L3MBTL4: variants seen among roughly 807,000 people sequenced by gnomAD.
L3MBTL4 encodes lethal(3)malignant brain tumor-like protein 4.
In L3MBTL4, 70 loss-of-function variants were observed where a neutral mutation model predicts 84.5. The observed-to-expected ratio is 0.83, with a 90% CI of 0.68 to 1.01. L3MBTL4 has a LOEUF of 1.01. L3MBTL4 is among the 50% of genes least tolerant of loss of function. L3MBTL4 has a pLI of 0.00. For synonymous variants in L3MBTL4, 274 were observed against 259.8 expected (o/e 1.05, Z -0.52); for missense variants, 715 against 754.8 (o/e 0.95, Z 0.62).
In L3MBTL4 at chr18:6,241,366, T is replaced by G; in HGVS notation, c.544A>C (p.Arg182=). Residue 182 remains arginine (R), a synonymous_variant, in exon 8 of 19, where the codon AGA becomes CGA. Coordinates refer to ENST00000317931, the MANE Select transcript of L3MBTL4 (RefSeq NM_001330559.2). The part of the protein sequence containing the change: ...QNAPKKLFRN[R]SPNGPMSKEF... Reference sequence around the variant, plus strand: ...GGAAAGAAAATACTTACAGGACTTCTGTTTCTGAATAATTTCTTTGGAGCA... The same window carrying G: ...GGAAAGAAAATACTTACAGGACTTCGGTTTCTGAATAATTTCTTTGGAGCA... The G allele has an allele frequency of 6.4e-7, 1 of 1,572,484 alleles. No homozygotes were observed. Among genetic ancestry groups the G allele is most frequent in the Non-Finnish European group, 8.7e-7 (1 of 1,147,852 alleles).
At chr18:6,006,529 A>G (rs1039566773) in intron 16 of L3MBTL4, among the ~76,000 whole-genome samples, 1 of 152,228 alleles carries the variant, frequency 6.6e-6, no homozygotes, top group African/African-American at 2.4e-5. Context: ...TCTCACTAAT[A>G]TAAAAAAACT....
chr18:6,068,524 CTT>C (rs959408394), intron 16 of L3MBTL4, among the ~76,000 whole-genome samples: 24 of 152,190 alleles, frequency 1.6e-4, no homozygotes, highest in Non-Finnish European at 2.9e-4. Flanking sequence ...ACAGGTAACT[CTT>C]TGCATCTGTA....
chr18:6,074,741 T>C (rs1281722158), intron 16 of L3MBTL4, among the ~76,000 whole-genome samples: 1 of 152,172 alleles, frequency 6.6e-6, no homozygotes, highest in African/African-American at 2.4e-5. Flanking sequence ...GGTTCTTTCT[T>C]GATCTGGGTG....
intron 14 of L3MBTL4, among the ~76,000 whole-genome samples, chr18:6,124,941 A>C (rs2059640552): frequency 6.6e-6 from 1 of 151,958 alleles, no homozygotes. Flanking sequence ...TAATTAACAC[A>C]ATAGATATAC....
chr18:6,181,876 G>A (rs1308700521), intron 12 of L3MBTL4, among the ~76,000 whole-genome samples: 3 of 152,184 alleles, frequency 2.0e-5, no homozygotes, highest in Non-Finnish European at 4.4e-5. Flanking sequence ...ATTCCATGGT[G>A]TATATGTACT....
chr18:6,055,661 C>T (rs1213140995), intron 16 of L3MBTL4, among the ~76,000 whole-genome samples: 1 of 152,098 alleles, frequency 6.6e-6, no homozygotes, highest in Non-Finnish European at 1.5e-5. Flanking sequence ...TTTTAAAAAC[C>T]ATCTTTTGAT....
chr18:6,111,264 G>A (rs1169598328), intron 14 of L3MBTL4, among the ~76,000 whole-genome samples: 5 of 152,170 alleles, frequency 3.3e-5, no homozygotes, highest in Non-Finnish European at 5.9e-5. Context: ...CGTGGTGATG[G>A]TTGTACAACT....
At chr18:6,173,073 G>A (rs2044053119) in intron 12 of L3MBTL4, among the ~76,000 whole-genome samples, 1 of 152,148 alleles carries the variant, frequency 6.6e-6, no homozygotes, top group Non-Finnish European at 1.5e-5. Flanking sequence ...AAACTCTAAA[G>A]GTAGAGCCTA....
In L3MBTL4 at chr18:6,254,412, CTTTT is replaced by C. The variant is rs763440464; in HGVS notation, c.219+9531_219+9534del. Reference sequence around the variant, plus strand: ...AAATTCCGCTTTTTCAAAGTGACACCTTTTTTTTTTTTTTTTTTTTTTTGCCATC... The same window carrying C: ...AAATTCCGCTTTTTCAAAGTGACACCTTTTTTTTTTTTTTTTTTTGCCATC... On this transcript the variant is annotated intron_variant, in intron 5 of 18. Coordinates refer to ENST00000317931, the MANE Select transcript of L3MBTL4 (RefSeq NM_001330559.2). 4.3e-4 allele frequency among the ~76,000 whole-genome samples: 49 copies of C among 112,722 alleles called. 1 individual carries two copies. The highest frequency in any genetic ancestry group is 1.2e-3 in the South Asian group (4 of 3,262). The allele number at this position is 112,722 out of a possible 152,430, so 74.0% of individuals were successfully genotyped here.
intron 12 of L3MBTL4, among the ~76,000 whole-genome samples, chr18:6,193,790 G>A (rs1436973433): frequency 6.6e-6 from 1 of 152,122 alleles, no homozygotes; most frequent in Non-Finnish European, 1.5e-5. Context: ...GAGAGATTGA[G>A]TCATAGTCCA....
At chr18:6,092,814 C>G (rs910802725) in intron 15 of L3MBTL4, among the ~76,000 whole-genome samples, 1 of 152,146 alleles carries the variant, frequency 6.6e-6, no homozygotes, top group South Asian at 2.1e-4. Flanking sequence ...AAAATGAGAA[C>G]TGGTATTTAG....
chr18:6,081,096 TTTTAAG>T (rs1488134592), intron 15 of L3MBTL4, 145 bp from the exon 16 acceptor site: 5 of 523,896 alleles, frequency 9.5e-6, no homozygotes, highest in Middle Eastern at 4.7e-4. Flanking sequence ...CTTGTTAGAA[TTTTAAG>T]TTTAAGATTT....
chr18:6,281,153 TCA>T (rs1446542098), intron 4 of L3MBTL4, among the ~76,000 whole-genome samples: 6 of 152,134 alleles, frequency 3.9e-5, no homozygotes, highest in African/African-American at 1.4e-4. Context: ...GACAAAATAG[TCA>T]TATTTAATCT....
intron 12 of L3MBTL4, among the ~76,000 whole-genome samples, chr18:6,191,957 T>C (rs756765709): frequency 1.8e-4 from 27 of 150,688 alleles, no homozygotes; most frequent in Admixed American, 9.9e-4. Flanking sequence ...ACTACTGCAC[T>C]GCAGCCTGGG....
intron 16 of L3MBTL4, chr18:6,030,596 T>C (rs555094085): frequency 2.6e-6 from 2 of 767,082 alleles, no homozygotes; most frequent in East Asian, 2.6e-4. Context: ...CCTCCCAGGT[T>C]CAAGCGATTC....
chr18:6,404,578 T>C (rs1019158597), intron 1 of L3MBTL4, among the ~76,000 whole-genome samples: 1 of 152,192 alleles, frequency 6.6e-6, no homozygotes, highest in Non-Finnish European at 1.5e-5. Flanking sequence ...TATTTAACTA[T>C]GGGGACCTTC....
intron 16 of L3MBTL4, chr18:6,031,730 A>AG: frequency 1.0e-6 from 1 of 985,438 alleles, no homozygotes. Context: ...CAAGAGATGA[A>AG]GGGCAAATGG....
chr18:6,117,579 A>C (rs1209038752), intron 14 of L3MBTL4, among the ~76,000 whole-genome samples: 1 of 152,208 alleles, frequency 6.6e-6, no homozygotes, highest in African/African-American at 2.4e-5. Flanking sequence ...AAAGGATGTA[A>C]GTTCAAATGC....
chr18:6,221,841 C>T (rs975867729), intron 10 of L3MBTL4, among the ~76,000 whole-genome samples: 2 of 152,270 alleles, frequency 1.3e-5, no homozygotes, highest in East Asian at 1.9e-4. Context: ...TCCAAATATC[C>T]GGGCCTCCAA....
Sources: allele counts gnomAD v4.1 joint callset (sites outside exome capture counted in the v4.1 genomes callset), GRCh38; gene constraint gnomAD v4.1.1; transcripts MANE v1.5; gene names NCBI Gene and HGNC (gene_info 2026-07-23, HGNC 2026-07-21).